The following BCR variants were observed in gnomAD, a reference collection of about 807,000 sequenced individuals.
The protein encoded by BCR is breakpoint cluster region protein.
BCR carries 58 observed loss-of-function variants against 138.6 expected under a neutral mutation model. The ratio of observed to expected loss-of-function variants is 0.42; its 90% CI spans 0.34 to 0.52. The LOEUF is 0.52. Ranked by LOEUF, BCR falls within the 20% of genes least tolerant of loss-of-function variation. BCR has a pLI of 0.06. For missense variants in BCR, 1,599 were observed against 1,727.2 expected, an observed-to-expected ratio of 0.93 and a Z score of 1.32; for synonymous variants, 786 against 730.1, an observed-to-expected ratio of 1.08 and a Z score of -1.23.
At chr22:23,197,820 T>G (rs2072501085) in intron 1 of BCR, among the ~76,000 whole-genome samples, 1 of 147,470 alleles carries the variant, frequency 6.8e-6, no homozygotes, top group East Asian at 2.0e-4. Context: ...TGAGGGGCGG[T>G]GGGGAGGAAT....
intron 1 of BCR, among the ~76,000 whole-genome samples, chr22:23,230,309 A>T (rs1017895351): frequency 6.6e-6 from 1 of 152,152 alleles, no homozygotes; most frequent in African/African-American, 2.4e-5. Context: ...CTGGAATTGG[A>T]AGTTCCAACT....
rs762837781 is a variant in BCR at position 23,289,633 on chromosome 22, C to CT, written c.2707+12_2707+13insT. 1.3e-5 allele frequency: 21 copies of CT among 1,608,774 alleles called. No individual in the cohort carries two copies. In the African/African-American group the frequency reaches 1.6e-4, roughly 12 times the overall value. On this transcript the variant is annotated intron_variant, in intron 13 of 22. Transcript: ENST00000305877. ...CATCAATAAGGAAGGTGGGCCCCCC[C>CT]GTTTCCGTGTACAGGGCACCTGCAG...
intron 2 of BCR, among the ~76,000 whole-genome samples, chr22:23,256,410 T>C (rs1309041164): frequency 6.6e-6 from 1 of 152,016 alleles, no homozygotes; most frequent in Non-Finnish European, 1.5e-5. Flanking sequence ...TGGGAAGGAT[T>C]CACACAGGCT....
intron 1 of BCR, among the ~76,000 whole-genome samples, chr22:23,247,927 C>T (rs1426345530): frequency 1.3e-5 from 2 of 152,180 alleles, no homozygotes; most frequent in African/African-American, 4.8e-5. Context: ...TGTTCCATTG[C>T]GTGTATACAT....
At chr22:23,292,469 C>T in intron 14 of BCR, 72 bp from the exon 15 acceptor site, 1 of 1,063,456 alleles carries the variant, frequency 9.4e-7, no homozygotes, top group South Asian at 1.4e-5. Context: ...GCAAATAACA[C>T]CTGCTCTTAC....
chr22:23,247,444 C>T (rs928775416), intron 1 of BCR, among the ~76,000 whole-genome samples: 1 of 152,204 alleles, frequency 6.6e-6, no homozygotes, highest in Non-Finnish European at 1.5e-5. Flanking sequence ...TCTCTTGACT[C>T]CAGTACATGT....
intron 8 of BCR, among the ~76,000 whole-genome samples, chr22:23,281,447 T>C (rs1234815905): frequency 2.0e-5 from 3 of 152,236 alleles, no homozygotes; most frequent in East Asian, 1.9e-4. Context: ...AACTGTCCTG[T>C]ACTCCAGGCC....
At position 23,180,799 on chromosome 22, in the gene BCR, C is replaced by A; in HGVS notation, c.-162C>A. 4.0e-6 allele frequency: 1 copy of A among 247,114 alleles called. No homozygotes were observed. Among genetic ancestry groups the A allele is most frequent in the South Asian group, 1.4e-4 (1 of 6,984 alleles). 15.3% of individuals were successfully genotyped at this position (247,114 alleles called of 1,614,324 possible). On this transcript the variant is annotated 5_prime_UTR_variant, in exon 1 of 23. Coordinates refer to ENST00000305877, the MANE Select transcript of BCR (RefSeq NM_004327.4). Reference sequence around the variant, plus strand: ...CCGCGCGCCGAGCGCCCCGCTCCGCCTCACCTGCCACCAGGGAGTGGGCGG... The same window carrying A: ...CCGCGCGCCGAGCGCCCCGCTCCGCATCACCTGCCACCAGGGAGTGGGCGG...
intron 1 of BCR, among the ~76,000 whole-genome samples, chr22:23,243,259 C>T (rs1568950917): frequency 6.6e-6 from 1 of 152,004 alleles, no homozygotes; most frequent in African/African-American, 2.4e-5. Context: ...GCCAGAGGAA[C>T]CAGCCACGTG....
chr22:23,242,801 C>T (rs2073108879), intron 1 of BCR: 1 of 451,472 alleles, frequency 2.2e-6, no homozygotes. Context: ...CAACAACAAA[C>T]ATTTATTCTC....
intron 16 of BCR, among the ~76,000 whole-genome samples, chr22:23,305,987 C>T (rs532813850): frequency 2.3e-4 from 35 of 152,344 alleles, no homozygotes; most frequent in Non-Finnish European, 4.0e-4. Context: ...CACGAGAGAG[C>T]GTACCAGCCT....
chr22:23,191,222 TA>T (rs1200128519), intron 1 of BCR, among the ~76,000 whole-genome samples: 1 of 152,252 alleles, frequency 6.6e-6, no homozygotes, highest in African/African-American at 2.4e-5. Flanking sequence ...AGATGTGAGT[TA>T]CTGCACACAG....
At chr22:23,234,049 C>T (rs1004611762) in intron 1 of BCR, among the ~76,000 whole-genome samples, 4 of 152,084 alleles carry the variant, frequency 2.6e-5, no homozygotes, top group Non-Finnish European at 5.9e-5. Flanking sequence ...GCCGAGTCCT[C>T]TGGGGGTGTC....
intron 8 of BCR, among the ~76,000 whole-genome samples, chr22:23,282,480 G>A (rs2073659164): frequency 6.6e-6 from 1 of 152,266 alleles, no homozygotes; most frequent in South Asian, 2.1e-4. Context: ...GCTTATGATG[G>A]TGACATGAAG....
intron 12 of BCR, 51 bp from the exon 13 acceptor site, chr22:23,289,466 G>A: frequency 6.7e-7 from 1 of 1,489,364 alleles, no homozygotes; most frequent in South Asian, 1.2e-5. Flanking sequence ...AGGGGCCAGA[G>A]GGCCAAGGAG....
chr22:23,260,852 C>G lies in BCR; in HGVS notation c.1462-98C>G, dbSNP rs115439368. 7.6e-4 allele frequency: 884 copies of G among 1,158,318 alleles called. 7 individuals carry two copies. The African/African-American group carries it at 0.011, about 15-fold the overall frequency. 71.8% of individuals were successfully genotyped at this position (1,158,318 alleles called of 1,614,324 possible). A position where few individuals can be genotyped will look rare whatever the true frequency, so the allele number is the denominator to read the frequency against. On this transcript the variant is annotated intron_variant, in intron 2 of 22. Transcript: ENST00000305877. ...AGCCTTTGTGGGGGCAGGGGTTTGT[C>G]CAGAGGTCAACAAGCTGGCCCTCCT...
chr22:23,205,081 C>T lies in BCR; in HGVS notation c.1279+22842C>T, dbSNP rs200272003. Reference sequence around the variant, plus strand: ...AGATGACCAATTCCCCAACAGCCTCCCAGCCTTTTGCAGGCCCCACCTGGG... The same window carrying T: ...AGATGACCAATTCCCCAACAGCCTCTCAGCCTTTTGCAGGCCCCACCTGGG... On this transcript the variant is annotated intron_variant, in intron 1 of 22. Transcript: ENST00000305877. Among the ~76,000 whole-genome samples, 6 of 152,344 alleles carry T rather than the reference C, an allele frequency of 3.9e-5. No individual in the cohort carries two copies. The East Asian group carries it at 9.6e-4, about 24-fold the overall frequency.
chr22:23,256,263 CAT>C (rs1267920068), intron 2 of BCR, among the ~76,000 whole-genome samples: 1 of 152,214 alleles, frequency 6.6e-6, no homozygotes, highest in African/African-American at 2.4e-5. Context: ...ACCCACCCCT[CAT>C]TTGGTCCCAG....
chr22:23,202,515 T>C (rs1326642562), intron 1 of BCR, among the ~76,000 whole-genome samples: 1 of 152,122 alleles, frequency 6.6e-6, no homozygotes, highest in South Asian at 2.1e-4. Context: ...TAAAGAACAG[T>C]GCTTCTTCCC....
Sources: gnomAD v4.1 joint callset for allele counts (sites outside exome capture counted in the v4.1 genomes callset) on GRCh38, gnomAD v4.1.1 for gene constraint, MANE v1.5 for transcripts, NCBI Gene and HGNC (gene_info 2026-07-23, HGNC 2026-07-21) for gene names.